Variants in TNNT2 observed in about 807,000 individuals in gnomAD.
The protein encoded by TNNT2 is troponin T, cardiac muscle.
Under a neutral mutation model 62.4 loss-of-function variants are expected in TNNT2, and 34 were observed. The observed-to-expected ratio is 0.54, with a 90% CI of 0.41 to 0.72. The LOEUF (loss-of-function observed/expected upper bound fraction) is 0.72. TNNT2 is among the 30% of genes least tolerant of loss of function. TNNT2 has a pLI of 0.00. For missense variants in TNNT2, 275 were observed against 381.9 expected (o/e 0.72, Z 2.33); for synonymous variants, 123 against 127.2 (o/e 0.97, Z 0.22).
intron 7 of TNNT2, 119 bp from the exon 8 acceptor site, chr1:201,366,990 T>A: frequency 6.5e-7 from 1 of 1,547,652 alleles, no homozygotes; most frequent in Non-Finnish European, 8.8e-7. Context: ...AGTGAGTCCC[T>A]CCCGGCACTG....
rs764292653 is a variant in TNNT2 at position 201,373,281 on chromosome 1, A to G, written c.-14-13T>C. 6.2e-7 allele frequency: 1 copy of G among 1,613,604 alleles called. No homozygotes were observed. The highest frequency in any genetic ancestry group is 8.5e-7 in the Non-Finnish European group (1 of 1,179,628). On this transcript the variant is annotated splice_polypyrimidine_tract_variant and intron_variant, in intron 1 of 16. Coordinates refer to ENST00000656932, the MANE Select transcript of TNNT2 (RefSeq NM_001276345.2). ...GTCTCTGCTCTCCCTCCAAAAGGAG[A>G]AAAAAGTCAGTGCAGGTACAAAGGG...
chr1:201,361,675 G>A lies in TNNT2; in HGVS notation c.719+238C>T, dbSNP rs142081092. Among the ~76,000 whole-genome samples, 12 of 152,388 alleles carry A rather than the reference G, an allele frequency of 7.9e-5. No homozygotes were observed. The East Asian group carries it at 2.3e-3, about 29-fold the overall frequency. On this transcript the variant is annotated intron_variant, in intron 14 of 16. Coordinates refer to ENST00000656932, the MANE Select transcript of TNNT2 (RefSeq NM_001276345.2). ...CCTGTCCTGACACCCGTGTGCAGGT[G>A]GGTAGGTGAAGCTCAGAGGGGTGGG...
intron 2 of TNNT2, 44 bp downstream of exon 2, chr1:201,373,170 G>C: frequency 6.2e-7 from 1 of 1,600,044 alleles, no homozygotes; most frequent in Non-Finnish European, 8.6e-7. Context: ...TCAGGGCAGC[G>C]GCGGGAGAGG....
chr1:201,373,065 G>A, intron 2 of TNNT2, 149 bp downstream of exon 2: 2 of 818,820 alleles, frequency 2.4e-6, no homozygotes, highest in South Asian at 1.3e-5. Context: ...GGAGTGGAAA[G>A]GAAATGGCTA....
intron 15 of TNNT2, 110 bp from the exon 16 acceptor site, chr1:201,359,773 A>G: frequency 1.1e-6 from 1 of 933,972 alleles, no homozygotes; most frequent in Non-Finnish European, 1.7e-6. Flanking sequence ...GCAGGAGGAG[A>G]AGGAGGAGCA....
rs781616719 is a variant in TNNT2, at chr1:201,367,790, CTCTTCT to C, written c.174_179del (p.Glu60_Glu61del). 3 of 1,613,994 alleles carry C rather than the reference CTCTTCT, an allele frequency of 1.9e-6. No homozygotes were observed. The highest frequency in any genetic ancestry group is 2.5e-6 in the Non-Finnish European group (3 of 1,180,012). Reference sequence around the variant, plus strand: ...CCTTACCTTCAGCCTCCTTTGCTTCCTCTTCTTCTTCATCTTCTAAATGAAACACGA... The same window carrying C: ...CCTTACCTTCAGCCTCCTTTGCTTCCTCTTCATCTTCTAAATGAAACACGA... On this transcript the variant is annotated inframe_deletion, in exon 7 of 17. Transcript: ENST00000656932.
At chr1:201,359,342 GGGGAGAGGA>G in intron 16 of TNNT2, 87 bp from the exon 17 acceptor site, 1 of 1,516,926 alleles carries the variant, frequency 6.6e-7, no homozygotes, top group South Asian at 1.2e-5. Context: ...GGGTGCCAAA[GGGGAGAGGA>G]GCAGGCTGGA....
At chr1:201,367,835 G>T (rs765945832) in intron 6 of TNNT2, 29 bp from the exon 7 acceptor site, 32 of 1,613,918 alleles carry the variant, frequency 2.0e-5, no homozygotes, top group Non-Finnish European at 2.6e-5. Context: ...ATCAATCAAG[G>T]TCCTTGTTCT....
At chr1:201,370,115 C>T (rs1660400431) in intron 4 of TNNT2, among the ~76,000 whole-genome samples, 1 of 152,232 alleles carries the variant, frequency 6.6e-6, no homozygotes, top group East Asian at 1.9e-4. Flanking sequence ...ACCTAGCGTG[C>T]ATAGAGCGCC....
chr1:201,368,180 C>T lies in TNNT2; in HGVS notation c.145G>A (p.Glu49Lys), dbSNP rs757526942. 4.3e-6 allele frequency: 7 copies of T among 1,614,100 alleles called. No homozygotes were observed. The South Asian group carries it at 4.4e-5, about 10-fold the overall frequency. ...EEDAEAEAET[E>K]ETRAEEDEEE... is the part of the protein sequence containing the mutation. Reference sequence around the variant, plus strand: ...GACTTACCTTCTGCCCTGGTCTCCTCGGTCTCAGCCTCTGCTTCAGCATCC... The same window carrying T: ...GACTTACCTTCTGCCCTGGTCTCCTTGGTCTCAGCCTCTGCTTCAGCATCC... Residue 49 changes from glutamate (E) to lysine (K), a missense_variant, in exon 6 of 17, where the codon GAG becomes AAG. Glu to Lys is a moderately conservative substitution (Grantham distance 56). Transcript: ENST00000656932.
At position 201,363,425 on chromosome 1, in the gene TNNT2, G is replaced by C; in HGVS notation, c.490-19C>G. On this transcript the variant is annotated intron_variant, in intron 11 of 16. Transcript: ENST00000656932. ...TCTCTTCCTGATTTACAGCAGGGAG[G>C]AAGAAAGCAAATTAGGGGAAAGGAT... 6.2e-7 allele frequency: 1 copy of C among 1,610,810 alleles called. No homozygotes were observed. The highest frequency in any genetic ancestry group is 2.2e-5 in the East Asian group (1 of 44,846).
At chr1:201,369,391 G>C (rs1295763212) in intron 5 of TNNT2, 2 of 475,514 alleles carry the variant, frequency 4.2e-6, no homozygotes, top group South Asian at 3.1e-5. Context: ...TCTGTCCCCA[G>C]ACCCCCCAAC....
At chr1:201,364,173 C>T (rs955758831) in intron 11 of TNNT2, 125 bp downstream of exon 11, 63 of 1,089,216 alleles carry the variant, frequency 5.8e-5, no homozygotes, top group African/African-American at 1.7e-4. Flanking sequence ...CGTGAGCCAC[C>T]GCACCCGGCC....
intron 15 of TNNT2, chr1:201,360,466 G>C (rs953541165): frequency 2.0e-5 from 3 of 153,180 alleles, no homozygotes; most frequent in African/African-American, 7.2e-5. Context: ...ATGTCACACA[G>C]CCAGTGAGGG....
chr1:201,359,218 AGC>A lies in TNNT2; in HGVS notation c.887_888del (p.Arg296LeufsTer?). Reference sequence around the variant, plus strand: ...GTGAAGGAGGCCAGGCTCTATTTCCAGCGCCCGGTGACTTTAGCCTTCCCGCG... The same window carrying A: ...GTGAAGGAGGCCAGGCTCTATTTCCAGCCCGGTGACTTTAGCCTTCCCGCG... The part of the protein sequence containing the change: ...KTRGKAKVTG[R>X]WK On this transcript the variant is annotated frameshift_variant, in exon 17 of 17. Coordinates refer to ENST00000656932, the MANE Select transcript of TNNT2 (RefSeq NM_001276345.2). LOFTEE classifies it high-confidence loss of function. 6.2e-7 allele frequency: 1 copy of A among 1,610,256 alleles called. No homozygotes were observed. Among genetic ancestry groups the A allele is most frequent in the African/African-American group, 1.3e-5 (1 of 75,024 alleles).
At chr1:201,372,098 G>T (rs770210070) in intron 3 of TNNT2, 47 bp downstream of exon 3, 1 of 1,613,968 alleles carries the variant, frequency 6.2e-7, no homozygotes, top group Non-Finnish European at 8.5e-7. Flanking sequence ...GGTCAGTTTC[G>T]AACCAGGCTG....
At chr1:201,371,772 C>CA (rs1466056038) in intron 4 of TNNT2, among the ~76,000 whole-genome samples, 3 of 151,534 alleles carry the variant, frequency 2.0e-5, no homozygotes, top group South Asian at 2.1e-4. Flanking sequence ...GGAGAAGAAG[C>CA]AAAAAAAATT....
rs757273188 is a variant in TNNT2, at chr1:201,373,299, A to G, written c.-14-31T>C. 8 of 1,601,540 alleles carry G rather than the reference A, an allele frequency of 5.0e-6. No homozygotes were observed. The South Asian group carries it at 6.6e-5, about 13-fold the overall frequency. Reference sequence around the variant, plus strand: ...AAAGGAGAAAAAAGTCAGTGCAGGTACAAAGGGAAGCCTGCCTTCCTCAGA... The same window carrying G: ...AAAGGAGAAAAAAGTCAGTGCAGGTGCAAAGGGAAGCCTGCCTTCCTCAGA... On this transcript the variant is annotated intron_variant, in intron 1 of 16. Transcript: ENST00000656932.
chr1:201,369,681 G>A, intron 5 of TNNT2, 135 bp downstream of exon 5: 1 of 1,024,500 alleles, frequency 9.8e-7, no homozygotes, highest in Non-Finnish European at 1.5e-6. Flanking sequence ...GGAGGCAGGG[G>A]AGGAAACGAC....
Sources: allele counts gnomAD v4.1 joint callset (sites outside exome capture counted in the v4.1 genomes callset), GRCh38; gene constraint gnomAD v4.1.1; transcripts MANE v1.5; gene names NCBI Gene and HGNC (gene_info 2026-07-23, HGNC 2026-07-21).